Variants in ZYG11B observed in about 807,000 individuals in gnomAD.
The protein encoded by ZYG11B is protein zyg-11 homolog B.
A neutral mutation model predicts 82.4 loss-of-function variants in ZYG11B; 36 were observed. The ratio of observed to expected loss-of-function variants is 0.44; its 90% CI spans 0.33 to 0.58. The LOEUF is 0.58. Ranked by LOEUF, ZYG11B falls within the 20% of genes least tolerant of loss-of-function variation. The pLI is 0.02. For synonymous variants in ZYG11B, 303 were observed against 312.8 expected (o/e 0.97, Z 0.33); for missense variants, 552 against 895.6 (o/e 0.62, Z 4.90).
At chr1:52,734,298 A>C (rs181540839) in intron 1 of ZYG11B, among the ~76,000 whole-genome samples, 3 of 152,248 alleles carry the variant, frequency 2.0e-5, no homozygotes, top group Admixed American at 6.6e-5. Context: ...GCAGACATCA[A>C]TATTGAATGT....
At chr1:52,730,049 C>G (rs1409628330) in intron 1 of ZYG11B, among the ~76,000 whole-genome samples, 1 of 152,130 alleles carries the variant, frequency 6.6e-6, no homozygotes, top group Admixed American at 6.6e-5. Context: ...CTCCAGTGAT[C>G]CTCCTGCCTC....
intron 8 of ZYG11B, among the ~76,000 whole-genome samples, chr1:52,798,481 C>T (rs949167477): frequency 6.6e-6 from 1 of 152,126 alleles, no homozygotes; most frequent in Admixed American, 6.6e-5. Flanking sequence ...CATGGTAGCA[C>T]ATGTCTGTGG....
Position 52,756,567 on chromosome 1 carries a change from C to A in ZYG11B, c.140C>A (p.Pro47His). 1 of 1,614,018 alleles carries A rather than the reference C, an allele frequency of 6.2e-7. No homozygotes were observed. ...GATGGAACATTGTGTCTGCAGGAACCTGGAGTATTCCCACAGGAGGTGGCT... is the reference window on the plus strand; with the variant it reads ...GATGGAACATTGTGTCTGCAGGAACATGGAGTATTCCCACAGGAGGTGGCT... ...RQDGTLCLQE[P>H]GVFPQEVADR... The change falls in exon 2 of 14, where the codon CCT becomes CAT. Residue 47 changes from proline to histidine, a missense_variant. By Grantham distance (77) the Pro-to-His change is moderately conservative. Transcript: ENST00000294353.
At chr1:52,808,390 T>C (rs1374866065) in intron 10 of ZYG11B, among the ~76,000 whole-genome samples, 1 of 152,126 alleles carries the variant, frequency 6.6e-6, no homozygotes, top group African/African-American at 2.4e-5. Context: ...AGATTTAAGA[T>C]TAGTAACAAT....
At chr1:52,809,839 T>C (rs1307552793) in intron 10 of ZYG11B, among the ~76,000 whole-genome samples, 1 of 152,216 alleles carries the variant, frequency 6.6e-6, no homozygotes, top group Non-Finnish European at 1.5e-5. Flanking sequence ...TTCAATTCCT[T>C]TGCCCATTTT....
At chr1:52,805,646 A>T (rs893735318) in intron 10 of ZYG11B, 1 of 320,720 alleles carries the variant, frequency 3.1e-6, no homozygotes, top group African/African-American at 2.2e-5. Context: ...AGCCTAGCCA[A>T]CATGGTGAAA....
Position 52,783,838 on chromosome 1 carries a change from A to ATATGTACATACACGTGTGTG in ZYG11B, c.1093-1037_1093-1018dup, listed in dbSNP as rs1644880737. On this transcript the variant is annotated intron_variant, in intron 4 of 13. Coordinates refer to ENST00000294353, the MANE Select transcript of ZYG11B (RefSeq NM_024646.3). ...CACGTATATGTATACATACGTGTGT[A>ATATGTACATACACGTGTGTG]TATGTACATACACGTGTGTGTGTAT... Among the ~76,000 whole-genome samples the ATATGTACATACACGTGTGTG allele has an allele frequency of 3.0e-3, 302 of 101,752 alleles. 10 individuals are homozygous for ATATGTACATACACGTGTGTG. Among genetic ancestry groups the ATATGTACATACACGTGTGTG allele is most frequent in the Middle Eastern group, 0.01 (2 of 196 alleles). The allele number at this position is 101,752 out of a possible 152,430, so 66.8% of individuals were successfully genotyped here. A position where few individuals can be genotyped will look rare whatever the true frequency, so the allele number is the denominator to read the frequency against.
At chr1:52,727,729 C>T (rs188286398) in intron 1 of ZYG11B, among the ~76,000 whole-genome samples, 66 of 152,154 alleles carry the variant, frequency 4.3e-4, no homozygotes, top group African/African-American at 1.6e-3. Context: ...TTGGGAGAAC[C>T]TTATATTTGC....
intron 2 of ZYG11B, among the ~76,000 whole-genome samples, chr1:52,758,245 A>G (rs548533800): frequency 2.0e-5 from 3 of 151,654 alleles, no homozygotes; most frequent in Admixed American, 2.0e-4. Flanking sequence ...TTTACAGTTG[A>G]TAAACTCATA....
At chr1:52,773,436 T>A (rs1180788580) in intron 3 of ZYG11B, among the ~76,000 whole-genome samples, 2 of 145,776 alleles carry the variant, frequency 1.4e-5, no homozygotes, top group African/African-American at 5.1e-5. Flanking sequence ...ATTGTGCCAC[T>A]GCACTCAAGC....
intron 6 of ZYG11B, among the ~76,000 whole-genome samples, chr1:52,794,167 G>C (rs1370744921): frequency 6.6e-6 from 1 of 151,970 alleles, no homozygotes; most frequent in Non-Finnish European, 1.5e-5. Context: ...GTAGAGACGA[G>C]GTTTCACCAT....
chr1:52,765,315 G>C (rs1176929926), intron 2 of ZYG11B, among the ~76,000 whole-genome samples: 1 of 151,928 alleles, frequency 6.6e-6, no homozygotes, highest in African/African-American at 2.4e-5. Flanking sequence ...CAGTCCTCCT[G>C]CCTCAGCCTC....
chr1:52,770,954 G>A, intron 2 of ZYG11B, 66 bp from the exon 3 acceptor site: 1 of 1,521,000 alleles, frequency 6.6e-7, no homozygotes, highest in Non-Finnish European at 8.8e-7. Context: ...AATGTAAAGT[G>A]TGATGGAAAT....
At chr1:52,778,332 C>G (rs1028090801) in intron 3 of ZYG11B, among the ~76,000 whole-genome samples, 3 of 151,972 alleles carry the variant, frequency 2.0e-5, no homozygotes, top group Non-Finnish European at 2.9e-5. Context: ...GCTGTGTTGC[C>G]CAGGCTGGTC....
rs1571805104 is a variant in ZYG11B at position 52,819,507 on chromosome 1, G to T, written c.2045-1932G>T. Among the ~76,000 whole-genome samples the T allele has an allele frequency of 2.0e-5, 3 of 151,994 alleles. No individual in the cohort carries two copies. In the East Asian group the frequency reaches 5.8e-4, roughly 29 times the overall value. On this transcript the variant is annotated intron_variant, in intron 13 of 13. Coordinates refer to ENST00000294353, the MANE Select transcript of ZYG11B (RefSeq NM_024646.3). ...ATAAGTAAATAATAGTGCATTTTTG[G>T]CTGGGCATGGTGGCTCACGCCTGTA...
At chr1:52,797,578 G>C (rs901507056) in intron 8 of ZYG11B, among the ~76,000 whole-genome samples, 3 of 134,078 alleles carry the variant, frequency 2.2e-5, no homozygotes, top group African/African-American at 8.4e-5. Flanking sequence ...GTACGATCTC[G>C]GCTCACTGAA....
In ZYG11B at chr1:52,821,543, G is replaced by A. The variant is rs1645284056; in HGVS notation, c.2149G>A (p.Ala717Thr). 1 of 1,613,988 alleles carries A rather than the reference G, an allele frequency of 6.2e-7. No homozygotes were observed. The highest frequency in any genetic ancestry group is 1.7e-5 in the Admixed American group (1 of 59,998). ...TDPHVQQIAV[A>T]ILDSLEKHIV... is the part of the protein sequence containing the mutation. ...TCCCCATGTCCAACAGATTGCTGTG[G>A]CCATTCTGGATAGCTTAGAAAAACA... The change falls in exon 14 of 14, where the codon GCC becomes ACC. Residue 717 changes from alanine to threonine, a missense_variant. Physicochemically the swap from Ala to Thr is moderately conservative, Grantham distance 58. Transcript: ENST00000294353.
intron 8 of ZYG11B, among the ~76,000 whole-genome samples, chr1:52,800,563 C>T (rs1022522331): frequency 6.6e-6 from 1 of 151,908 alleles, no homozygotes; most frequent in African/African-American, 2.4e-5. Context: ...AATCCTAGCA[C>T]TTTGGGAGGC....
Position 52,760,760 on chromosome 1 carries a change from C to CT in ZYG11B, c.196+4157dup, listed in dbSNP as rs35437248. Among the ~76,000 whole-genome samples the CT allele has an allele frequency of 1.5e-3, 152 of 104,614 alleles. 1 individual carries two copies. Among genetic ancestry groups the CT allele is most frequent in the South Asian group, 2.0e-3 (7 of 3,430 alleles). The allele number at this position is 104,614 out of a possible 152,430, so 68.6% of individuals were successfully genotyped here. On this transcript the variant is annotated intron_variant, in intron 2 of 13. Transcript: ENST00000294353. ...GGCATGAGCCAACATGCCTGGCCTACTTTTTTTTTTTTTTTTTTTTGAGAT... is the reference window on the plus strand; with the variant it reads ...GGCATGAGCCAACATGCCTGGCCTACTTTTTTTTTTTTTTTTTTTTTGAGAT...
Sources: allele counts gnomAD v4.1 joint callset (sites outside exome capture counted in the v4.1 genomes callset), GRCh38; gene constraint gnomAD v4.1.1; transcripts MANE v1.5; gene names NCBI Gene and HGNC (gene_info 2026-07-23, HGNC 2026-07-21).